The following CNTNAP5 variants were observed in gnomAD, a reference collection of about 807,000 sequenced individuals.
CNTNAP5 encodes contactin-associated protein-like 5.
CNTNAP5 carries 72 observed loss-of-function variants against 150.2 expected under a neutral mutation model. The observed-to-expected ratio is 0.48, with a 90% CI of 0.40 to 0.58. The LOEUF (loss-of-function observed/expected upper bound fraction) is 0.58, where lower values mean the gene tolerates loss of function less well. CNTNAP5 is among the 20% of genes least tolerant of loss of function. The pLI is 0.00. For synonymous variants in CNTNAP5, 672 were observed against 619.8 expected (o/e 1.08, Z -1.25); for missense variants, 1,636 against 1,626.2 (o/e 1.01, Z -0.10).
At chr2:124,822,390 C>T (rs141665844) in intron 19 of CNTNAP5, among the ~76,000 whole-genome samples, 4 of 152,192 alleles carry the variant, frequency 2.6e-5, no homozygotes, top group African/African-American at 4.8e-5. Context: ...GCTTTATGGA[C>T]AATTTTAACC....
At chr2:124,588,177 CTTCTTTCTTTCTTTCTTTCTTTCT>C (rs746237108) in intron 11 of CNTNAP5, among the ~76,000 whole-genome samples, 4 of 110,820 alleles carry the variant, frequency 3.6e-5, no homozygotes, top group Non-Finnish European at 6.0e-5. Context: ...TCCTTCCTTC[CTTCTTTCTTTCTTTCTTTCTTTCT>C]TTCTTTCTTT....
At chr2:124,643,083 G>A (rs1043221976) in intron 12 of CNTNAP5, among the ~76,000 whole-genome samples, 8 of 152,152 alleles carry the variant, frequency 5.3e-5, no homozygotes, top group Admixed American at 5.2e-4. Flanking sequence ...CTTTAAAAAA[G>A]CCAATATTTC....
intron 13 of CNTNAP5, among the ~76,000 whole-genome samples, chr2:124,734,498 G>A (rs574466862): frequency 6.6e-6 from 1 of 152,116 alleles, no homozygotes; most frequent in African/African-American, 2.4e-5. Flanking sequence ...ATGGGGGCTA[G>A]CGAAGAAAGA....
intron 1 of CNTNAP5, among the ~76,000 whole-genome samples, chr2:124,126,429 CA>C (rs139118525): frequency 0.98 from 148,663 of 152,050 alleles, 72,769 homozygotes; most frequent in South Asian, 1. Context: ...GCTTACCAAC[CA>C]AAAAAAAGTC....
At chr2:124,270,701 A>G (rs1181655144) in intron 3 of CNTNAP5, among the ~76,000 whole-genome samples, 1 of 151,614 alleles carries the variant, frequency 6.6e-6, no homozygotes, top group African/African-American at 2.4e-5. Flanking sequence ...GCTTGCGTGC[A>G]TGTGTGTGTG....
At chr2:124,446,304 T>C (rs1322136051) in intron 5 of CNTNAP5, among the ~76,000 whole-genome samples, 1 of 152,164 alleles carries the variant, frequency 6.6e-6, no homozygotes, top group African/African-American at 2.4e-5. Flanking sequence ...ATTATTTCCT[T>C]GCCACTGCTT....
At chr2:124,619,331 G>A (rs1420190709) in intron 12 of CNTNAP5, among the ~76,000 whole-genome samples, 1 of 152,096 alleles carries the variant, frequency 6.6e-6, no homozygotes, top group Non-Finnish European at 1.5e-5. Flanking sequence ...AGGAGTTCTT[G>A]GAACTGGGTC....
intron 12 of CNTNAP5, among the ~76,000 whole-genome samples, chr2:124,621,717 G>T (rs773610082): frequency 2.0e-5 from 3 of 152,146 alleles, no homozygotes; most frequent in Non-Finnish European, 2.9e-5. Context: ...TTACCTGTGG[G>T]CTGCACCCAG....
chr2:124,037,472 T>C (rs937894438), intron 1 of CNTNAP5, among the ~76,000 whole-genome samples: 15 of 152,280 alleles, frequency 9.9e-5, no homozygotes, highest in South Asian at 2.1e-4. Context: ...AAGTGCACAG[T>C]ATAAAAACAC....
At chr2:124,806,286 T>C (rs751552995) in intron 19 of CNTNAP5, among the ~76,000 whole-genome samples, 4 of 152,150 alleles carry the variant, frequency 2.6e-5, no homozygotes, top group Non-Finnish European at 5.9e-5. Context: ...AAATGCCCTA[T>C]AGAATCCATA....
rs61170131 is a variant in CNTNAP5, at chr2:124,258,002, G to A, written c.381+15609G>A. Among the ~76,000 whole-genome samples, 301 of 152,116 alleles carry A rather than the reference G, an allele frequency of 2.0e-3. 3 individuals carry two copies. The East Asian group carries it at 0.046, about 23-fold the overall frequency. On this transcript the variant is annotated intron_variant, in intron 3 of 23. Transcript: ENST00000682447. ...ATGCATTTGCTGGGGATTATCTTTC[G>A]CCCGTCACTCATTAAATCTGTCCTC... is the stretch of plus-strand genomic sequence containing the variant.
At chr2:124,508,276 T>C (rs1694461036) in intron 8 of CNTNAP5, among the ~76,000 whole-genome samples, 1 of 152,248 alleles carries the variant, frequency 6.6e-6, no homozygotes, top group South Asian at 2.1e-4. Flanking sequence ...AGACGATTTT[T>C]ATAAAATTTA....
At chr2:124,110,823 T>G (rs1683277371) in intron 1 of CNTNAP5, among the ~76,000 whole-genome samples, 1 of 152,206 alleles carries the variant, frequency 6.6e-6, no homozygotes, top group South Asian at 2.1e-4. Context: ...TCAGTACATT[T>G]GCCATTCAAA....
At chr2:124,832,855 T>C (rs770117859) in intron 19 of CNTNAP5, among the ~76,000 whole-genome samples, 1 of 152,060 alleles carries the variant, frequency 6.6e-6, no homozygotes, top group East Asian at 1.9e-4. Flanking sequence ...AACTCTATAG[T>C]TGCGAATTTT....
intron 10 of CNTNAP5, among the ~76,000 whole-genome samples, chr2:124,552,787 G>A (rs1195343184): frequency 6.6e-6 from 1 of 152,134 alleles, no homozygotes; most frequent in Non-Finnish European, 1.5e-5. Context: ...AAGTGAGATG[G>A]TACTTATATT....
chr2:124,503,073 T>G (rs1158066747), intron 7 of CNTNAP5, among the ~76,000 whole-genome samples: 1 of 152,204 alleles, frequency 6.6e-6, no homozygotes, highest in Non-Finnish European at 1.5e-5. Context: ...GCTTGACGGA[T>G]ATCAAGGTCC....
At chr2:124,334,401 T>G (rs934303625) in intron 3 of CNTNAP5, among the ~76,000 whole-genome samples, 6 of 152,152 alleles carry the variant, frequency 3.9e-5, no homozygotes, top group Admixed American at 3.9e-4. Flanking sequence ...GAAAGGCCTA[T>G]GGAGTTTTAC....
chr2:124,897,936 AGTGTGTGTGTGTGT>A (rs56154943), intron 21 of CNTNAP5, among the ~76,000 whole-genome samples: 27 of 142,110 alleles, frequency 1.9e-4, no homozygotes, highest in East Asian at 6.4e-4. Flanking sequence ...GCAAATGCCA[AGTGTGTGTGTGTGT>A]GTGTGTGTGT....
At chr2:124,316,804 C>CAAAA (rs56812690) in intron 3 of CNTNAP5, among the ~76,000 whole-genome samples, 83 of 54,784 alleles carry the variant, frequency 1.5e-3, no homozygotes, top group East Asian at 3.0e-3. Context: ...GACTCCATCT[C>CAAAA]AAAAAAAAAA....
Sources: gnomAD v4.1 joint callset for allele counts (sites outside exome capture counted in the v4.1 genomes callset) on GRCh38, gnomAD v4.1.1 for gene constraint, MANE v1.5 for transcripts, NCBI Gene and HGNC (gene_info 2026-07-23, HGNC 2026-07-21) for gene names.